Variants in HDAC4 observed in about 807,000 individuals in gnomAD.
HDAC4 encodes the protein histone deacetylase A.
In HDAC4, 16 loss-of-function variants were observed where a neutral mutation model predicts 135.1. The observed-to-expected ratio is 0.12, with a 90% confidence interval of 0.08 to 0.18. HDAC4 has a LOEUF of 0.18. Ranked by LOEUF, HDAC4 falls within the 10% of genes least tolerant of loss-of-function variation. HDAC4 has a pLI of 1.00. For missense variants in HDAC4, 1,143 were observed against 1,511.8 expected (o/e 0.76, Z 4.05); for synonymous variants, 685 against 653.4 (o/e 1.05, Z -0.74).
intron 12 of HDAC4, among the ~76,000 whole-genome samples, chr2:239,117,149 T>C (rs1191526454): frequency 6.6e-6 from 1 of 152,130 alleles, no homozygotes. Context: ...CTCAATGCGC[T>C]CTGGGAGCTG....
At chr2:239,190,763 A>G (rs1338968791) in intron 3 of HDAC4, among the ~76,000 whole-genome samples, 1 of 152,232 alleles carries the variant, frequency 6.6e-6, no homozygotes, top group Non-Finnish European at 1.5e-5. Flanking sequence ...TCTGCCCTGT[A>G]CTAATGTGCT....
intron 14 of HDAC4, 39 bp downstream of exon 14, chr2:239,111,487 C>A: frequency 6.3e-7 from 1 of 1,582,064 alleles, no homozygotes; most frequent in East Asian, 2.3e-5. Flanking sequence ...CACTGTGGCC[C>A]GCGTTGCACC....
chr2:239,276,285 G>A (rs2050359392), intron 2 of HDAC4, among the ~76,000 whole-genome samples: 1 of 152,240 alleles, frequency 6.6e-6, no homozygotes, highest in Non-Finnish European at 1.5e-5. Context: ...CCTTGGAAGT[G>A]TTGAGGGGAG....
rs772811840 is a variant in HDAC4 at position 239,068,654 on chromosome 2, C to A, written c.2751-47G>T. ...GTTACTGGGTCAGCTGAAAGAGGGA[C>A]GGGACGGTCACAAAACCCCAAGGTT... On this transcript the variant is annotated intron_variant, in intron 22 of 26. Coordinates refer to ENST00000543185, the MANE Select transcript of HDAC4 (RefSeq NM_001378414.1). This position sits in a 1 kb window ranked among gnomAD's most constrained non-coding sequence, Gnocchi z 4.4. The A allele has an allele frequency of 6.6e-6, 10 of 1,514,814 alleles. No individual in the cohort carries two copies. In the South Asian group the frequency reaches 1.0e-4, roughly 15 times the overall value. 93.8% of individuals were successfully genotyped at this position (1,514,814 alleles called of 1,614,324 possible). A position where few individuals can be genotyped will look rare whatever the true frequency, so the allele number is the denominator to read the frequency against.
chr2:239,156,609 C>T (rs3816377), intron 7 of HDAC4, 43 bp downstream of exon 7: 99 of 1,613,564 alleles, frequency 6.1e-5, no homozygotes, highest in Middle Eastern at 1.6e-4. Flanking sequence ...GGAAGGTGCC[C>T]GTGCAGGAGA....
Position 239,115,525 on chromosome 2 carries a change from C to T in HDAC4, c.1534-215G>A, listed in dbSNP as rs1285505406. 6.6e-6 allele frequency among the ~76,000 whole-genome samples: 1 copy of T among 152,072 alleles called. No homozygotes were observed. The highest frequency in any genetic ancestry group is 1.5e-5 in the Non-Finnish European group (1 of 68,024). On this transcript the variant is annotated intron_variant, in intron 12 of 26. Transcript: ENST00000543185. The surrounding 1 kb of genome is among the most constrained non-coding windows in gnomAD (Gnocchi z 6.3). ...AAAATAATGCCCAGTAGGACCCCAG[C>T]CCAGGGTCAAGGTGACCTGGCCCAG...
rs2039006943 is a variant in HDAC4, at chr2:239,115,032, G to A, written c.1791+21C>T. On this transcript the variant is annotated intron_variant, in intron 13 of 26. Transcript: ENST00000543185. This position sits in a 1 kb window ranked among gnomAD's most constrained non-coding sequence, Gnocchi z 6.3. ...TGGCTGTGCGTGCCAGCCTTCTGGT[G>A]CCCTCCCCGCCTGCGGTCACCTGTC... 2.5e-6 allele frequency: 4 copies of A among 1,606,818 alleles called. No individual in the cohort carries two copies. The African/African-American group carries it at 5.3e-5, about 21-fold the overall frequency.
intron 1 of HDAC4, among the ~76,000 whole-genome samples, chr2:239,389,413 C>A (rs1225930587): frequency 1.3e-5 from 2 of 152,186 alleles, no homozygotes; most frequent in Non-Finnish European, 2.9e-5. Flanking sequence ...AGACCACGAA[C>A]CTGCTGGACA....
At chr2:239,134,165 A>G (rs1413485950) in intron 11 of HDAC4, 80 bp downstream of exon 11, 50 of 1,170,886 alleles carry the variant, frequency 4.3e-5, no homozygotes, top group Non-Finnish European at 6.1e-5. Context: ...TGTCTCCTCC[A>G]AAGGCAGGCG....
chr2:239,256,025 C>T (rs1032354839), intron 2 of HDAC4, among the ~76,000 whole-genome samples: 19 of 152,212 alleles, frequency 1.2e-4, no homozygotes, highest in Non-Finnish European at 1.6e-4. Flanking sequence ...CAAAGGTTCT[C>T]GATTAATGCA....
intron 3 of HDAC4, among the ~76,000 whole-genome samples, chr2:239,226,368 T>C (rs1361994188): frequency 3.3e-5 from 5 of 152,128 alleles, no homozygotes; most frequent in Admixed American, 6.5e-5. Flanking sequence ...GAGATTTCTC[T>C]GTATTCTGTA....
intron 3 of HDAC4, among the ~76,000 whole-genome samples, chr2:239,230,368 C>CAAAAAAAAAAAAAAAAA (rs56105562): frequency 3.8e-5 from 3 of 79,396 alleles, no homozygotes; most frequent in African/African-American, 1.6e-4. Flanking sequence ...AGCAAGCAAG[C>CAAAAAAAAAAAAAAAAA]AAAAAAAAAA....
intron 6 of HDAC4, among the ~76,000 whole-genome samples, chr2:239,163,371 T>C (rs1260097051): frequency 1.3e-5 from 2 of 152,168 alleles, no homozygotes; most frequent in Non-Finnish European, 2.9e-5. Flanking sequence ...GGCACCAGCC[T>C]CCGGAGCACT....
intron 11 of HDAC4, among the ~76,000 whole-genome samples, chr2:239,132,955 G>C (rs933982785): frequency 6.6e-6 from 1 of 152,156 alleles, no homozygotes; most frequent in Non-Finnish European, 1.5e-5. Context: ...CATTCCTCCA[G>C]AGAGATCCGC....
chr2:239,275,644 C>T (rs550326999), intron 2 of HDAC4, among the ~76,000 whole-genome samples: 2 of 152,240 alleles, frequency 1.3e-5, no homozygotes, highest in African/African-American at 4.8e-5. Context: ...GGTGGCACAC[C>T]TGGGTTCGGT....
chr2:239,201,824 CTTTTTG>C (rs1329770489), intron 3 of HDAC4, among the ~76,000 whole-genome samples: 3 of 152,188 alleles, frequency 2.0e-5, no homozygotes, highest in South Asian at 4.1e-4. Context: ...ACTCCACTGT[CTTTTTG>C]TTTTTGTTTT....
Position 239,313,846 on chromosome 2 carries a change from A to G in HDAC4, c.22+38832T>C, listed in dbSNP as rs376990318. Among the ~76,000 whole-genome samples, 2 of 152,270 alleles carry G rather than the reference A, an allele frequency of 1.3e-5. No homozygotes were observed. Among genetic ancestry groups the G allele is most frequent in the East Asian group, 3.9e-4 (2 of 5,160 alleles). ...CAAGGCAGGGCAAATAGAACATGAAAGCCAGCCTGGAGCCCAGGGCCTGTC... is the reference window on the plus strand; with the variant it reads ...CAAGGCAGGGCAAATAGAACATGAAGGCCAGCCTGGAGCCCAGGGCCTGTC... On this transcript the variant is annotated intron_variant, in intron 2 of 26. Coordinates refer to ENST00000543185, the MANE Select transcript of HDAC4 (RefSeq NM_001378414.1). This position sits in a 1 kb window ranked among gnomAD's most constrained non-coding sequence, Gnocchi z 5.1.
chr2:239,249,165 G>A (rs1192597649), intron 2 of HDAC4, among the ~76,000 whole-genome samples: 1 of 152,260 alleles, frequency 6.6e-6, no homozygotes, highest in Admixed American at 6.5e-5. Context: ...TACACACGAG[G>A]TGGAGGGAAC....
intron 17 of HDAC4, chr2:239,091,440 G>T (rs1282356585): frequency 1.3e-5 from 2 of 152,390 alleles, no homozygotes; most frequent in Admixed American, 6.5e-5. Flanking sequence ...TCCACACGGT[G>T]CTGACCAGGG....
Sources: gnomAD v4.1 joint callset for allele counts (sites outside exome capture counted in the v4.1 genomes callset) on GRCh38, gnomAD v4.1.1 for gene constraint, Gnocchi (gnomAD v3.1) non-coding constraint, MANE v1.5 for transcripts, NCBI Gene and HGNC (gene_info 2026-07-23, HGNC 2026-07-21) for gene names.